The following PALM variants were observed in gnomAD, a reference collection of about 807,000 sequenced individuals.
PALM encodes paralemmin, also known as paralemmin-1.
A neutral mutation model predicts 30.7 loss-of-function variants in PALM; 18 were observed. The observed-to-expected ratio is 0.59, with a 90% CI of 0.41 to 0.87. The LOEUF (loss-of-function observed/expected upper bound fraction) is 0.87, where lower values mean the gene tolerates loss of function less well. PALM is among the 40% of genes least tolerant of loss of function. The probability of loss-of-function intolerance (pLI) is 0.00; values close to 1 mark genes in which losing one functional copy is unlikely to be tolerated. For synonymous variants in PALM, 286 were observed against 242.8 expected, an observed-to-expected ratio of 1.18 and a Z score of -1.66; for missense variants, 529 against 555.4, an observed-to-expected ratio of 0.95 and a Z score of 0.48.
Position 709,716 on chromosome 19 carries a change from A to C in PALM, c.5+565A>C, listed in dbSNP as rs1266423854. Among the ~76,000 whole-genome samples, 1 of 151,848 alleles carries C rather than the reference A, an allele frequency of 6.6e-6. No individual in the cohort carries two copies. The highest frequency in any genetic ancestry group is 2.4e-5 in the African/African-American group (1 of 41,314). On this transcript the variant is annotated intron_variant, in intron 1 of 8. Transcript: ENST00000338448. This position sits in a 1 kb window ranked among gnomAD's most constrained non-coding sequence, Gnocchi z 4.3. ...GGTCCCGAGTTACCGCTGGAGGGAGAGGGGCTGCCCTCGGCTTCCCGGGTC... is the reference window on the plus strand; with the variant it reads ...GGTCCCGAGTTACCGCTGGAGGGAGCGGGGCTGCCCTCGGCTTCCCGGGTC...
chr19:720,560 A>AG (rs1457410249), intron 1 of PALM, among the ~76,000 whole-genome samples: 2 of 34,948 alleles, frequency 5.7e-5, no homozygotes, highest in Non-Finnish European at 1.1e-4. Context: ...GCCTGGGGAG[A>AG]GTGAAGGGGG....
At chr19:740,591 C>A in intron 8 of PALM, 108 bp downstream of exon 8, 1 of 1,063,190 alleles carries the variant, frequency 9.4e-7, no homozygotes, top group Non-Finnish European at 1.3e-6. Flanking sequence ...GACCCCGATT[C>A]GATGTGAAGC....
intron 2 of PALM, 23 bp from the exon 3 acceptor site, chr19:726,985 A>ACCCCCCCCCCCCCCCCCCCCC: frequency 1.1e-6 from 1 of 945,366 alleles, no homozygotes. Flanking sequence ...CCCATCCCTG[A>ACCCCCCCCCCCCCCCCCCCCC]CCCCACCCGG....
chr19:726,945 G>T, intron 2 of PALM, 63 bp from the exon 3 acceptor site: 2 of 1,019,756 alleles, frequency 2.0e-6, no homozygotes, highest in Non-Finnish European at 1.5e-6. Context: ...AGCCTTGTGT[G>T]GGGGTGGGGG....
At chr19:739,453 G>A (rs1461579713) in intron 7 of PALM, among the ~76,000 whole-genome samples, 2 of 152,170 alleles carry the variant, frequency 1.3e-5, no homozygotes, top group Non-Finnish European at 2.9e-5. Context: ...GCTGAGGTGG[G>A]AGGATTGCTT....
At chr19:736,345 C>T (rs1422173749) in intron 7 of PALM, among the ~76,000 whole-genome samples, 2 of 152,208 alleles carry the variant, frequency 1.3e-5, no homozygotes, top group African/African-American at 4.8e-5. Flanking sequence ...ACCGACGCGA[C>T]CTCACGGCTT....
rs372851181 is a variant in PALM at position 710,906 on chromosome 19, C to T, written c.5+1755C>T. 5.1e-4 allele frequency among the ~76,000 whole-genome samples: 78 copies of T among 152,352 alleles called. No individual in the cohort carries two copies. The East Asian group carries it at 0.012, about 23-fold the overall frequency. On this transcript the variant is annotated intron_variant, in intron 1 of 8. Coordinates refer to ENST00000338448, the MANE Select transcript of PALM (RefSeq NM_002579.3). ...GGGTGGGGACAGGCCCATCTGGTGC[C>T]GCCCGGCCTTGGACACCTGCCCCCT...
intron 7 of PALM, among the ~76,000 whole-genome samples, chr19:738,482 C>A (rs575706074): frequency 1.3e-5 from 2 of 151,748 alleles, no homozygotes; most frequent in Non-Finnish European, 2.9e-5. Flanking sequence ...TCTGAGATCA[C>A]GCCACTGCAC....
intron 8 of PALM, among the ~76,000 whole-genome samples, chr19:744,253 A>T (rs1042838382): frequency 1.3e-4 from 20 of 151,828 alleles, no homozygotes; most frequent in African/African-American, 4.8e-4. Flanking sequence ...ACAAAAAATT[A>T]GCCAGGTGTG....
At position 747,172 on chromosome 19, in the gene PALM, G is replaced by A; in HGVS notation, c.*358G>A. 4.3e-6 allele frequency: 1 copy of A among 232,832 alleles called. No individual in the cohort carries two copies. The highest frequency in any genetic ancestry group is 8.4e-6 in the Non-Finnish European group (1 of 118,626). 14.4% of individuals were successfully genotyped at this position (232,832 alleles called of 1,614,324 possible). On this transcript the variant is annotated 3_prime_UTR_variant, in exon 9 of 9. Transcript: ENST00000338448. ...CGCAGCCTCCACGCGGCCCAGGCCAGCCTGCCACCCTCTGGGCCTCCTACC... is the reference window on the plus strand; with the variant it reads ...CGCAGCCTCCACGCGGCCCAGGCCAACCTGCCACCCTCTGGGCCTCCTACC...
intron 7 of PALM, among the ~76,000 whole-genome samples, chr19:737,008 G>C (rs957839150): frequency 6.6e-6 from 1 of 152,218 alleles, no homozygotes; most frequent in Non-Finnish European, 1.5e-5. Flanking sequence ...AGCCAAGGTC[G>C]TGCCACTGCA....
intron 7 of PALM, 29 bp from the exon 8 acceptor site, chr19:740,323 G>T: frequency 6.5e-7 from 1 of 1,537,936 alleles, no homozygotes; most frequent in Admixed American, 2.0e-5. Flanking sequence ...CGGGCAGGCC[G>T]TGGTGTAACC....
Position 746,525 on chromosome 19 carries a change from C to G in PALM, c.875C>G (p.Pro292Arg). ...ACGTCCGGCCCGCCGGGGATCCAGC[C>G]CGGCCAGGAGCCCCCGGTCACAATG... ...EATSGPPGIQ[P>R]GQEPPVTMIF... Residue 292 changes from proline to arginine, a missense_variant, in exon 9 of 9, where the codon CCC becomes CGC. Pro to Arg is a moderately radical substitution (Grantham distance 103, BLOSUM62 -2). Transcript: ENST00000338448. The surrounding 1 kb of genome is among the most constrained non-coding windows in gnomAD (Gnocchi z 7.1). The G allele has an allele frequency of 6.2e-7, 1 of 1,613,006 alleles. No homozygotes were observed. The highest frequency in any genetic ancestry group is 8.5e-7 in the Non-Finnish European group (1 of 1,179,878).
At chr19:720,894 AG>A (rs958952041) in intron 1 of PALM, among the ~76,000 whole-genome samples, 1 of 152,142 alleles carries the variant, frequency 6.6e-6, no homozygotes, top group Non-Finnish European at 1.5e-5. Context: ...CCTGGGGCCC[AG>A]GAGTTCCGCC....
Position 747,282 on chromosome 19 carries a change from T to G in PALM, c.*468T>G, listed in dbSNP as rs1006776898. On this transcript the variant is annotated 3_prime_UTR_variant, in exon 9 of 9. Transcript: ENST00000338448. ...CTGAGGCCTGCTCAGGCCCTGGAAG[T>G]GAGGCTCTATGGGGTTCCCTGGCCA... 1.2e-5 allele frequency: 2 copies of G among 161,778 alleles called. No individual in the cohort carries two copies. Among genetic ancestry groups the G allele is most frequent in the African/African-American group, 4.8e-5 (2 of 41,504 alleles). The allele number at this position is 161,778 out of a possible 1,614,324, so 10.0% of individuals were successfully genotyped here.
At chr19:723,919 C>G (rs987646572) in intron 1 of PALM, among the ~76,000 whole-genome samples, 3 of 152,142 alleles carry the variant, frequency 2.0e-5, no homozygotes, top group Admixed American at 6.6e-5. Context: ...TTACTAAGCA[C>G]CTACTACGTG....
Position 731,263 on chromosome 19 carries a change from G to A in PALM, c.420+18G>A. 1 of 1,589,756 alleles carries A rather than the reference G, an allele frequency of 6.3e-7. No homozygotes were observed. Among genetic ancestry groups the A allele is most frequent in the Non-Finnish European group, 8.6e-7 (1 of 1,169,450 alleles). ...CACAGCAGGTAAGGGGGTGACTGGGGGGAGCGGATCCCCAGGCACCCACTC... is the reference window on the plus strand; with the variant it reads ...CACAGCAGGTAAGGGGGTGACTGGGAGGAGCGGATCCCCAGGCACCCACTC... On this transcript the variant is annotated intron_variant, in intron 5 of 8. Transcript: ENST00000338448.
chr19:746,217 G>C lies in PALM; in HGVS notation c.635-68G>C. ...CCTTGCCAAGGTTTCCCTCCTGCCTGAGCCAGGTCACTCTCTCTGTCCCTC... is the reference window on the plus strand; with the variant it reads ...CCTTGCCAAGGTTTCCCTCCTGCCTCAGCCAGGTCACTCTCTCTGTCCCTC... On this transcript the variant is annotated intron_variant, in intron 8 of 8. Coordinates refer to ENST00000338448, the MANE Select transcript of PALM (RefSeq NM_002579.3). This position sits in a 1 kb window ranked among gnomAD's most constrained non-coding sequence, Gnocchi z 7.1. 7.6e-7 allele frequency: 1 copy of C among 1,312,308 alleles called. No individual in the cohort carries two copies. The highest frequency in any genetic ancestry group is 1.2e-5 in the South Asian group (1 of 81,166). 81.3% of individuals were successfully genotyped at this position (1,312,308 alleles called of 1,614,324 possible).
intron 2 of PALM, 23 bp from the exon 3 acceptor site, chr19:726,985 A>AGCCCCCCC: frequency 2.0e-4 from 192 of 945,220 alleles, no homozygotes; most frequent in East Asian, 6.1e-4. Flanking sequence ...CCCATCCCTG[A>AGCCCCCCC]CCCCACCCGG....
Sources: gnomAD v4.1 joint callset for allele counts (sites outside exome capture counted in the v4.1 genomes callset) on GRCh38, gnomAD v4.1.1 for gene constraint, Gnocchi (gnomAD v3.1) non-coding constraint, MANE v1.5 for transcripts, NCBI Gene and HGNC (gene_info 2026-07-23, HGNC 2026-07-21) for gene names.